Variants in PAPPA observed in about 807,000 individuals in gnomAD.
The protein encoded by PAPPA is pappalysin 1.
A neutral mutation model predicts 164.0 loss-of-function variants in PAPPA; 60 were observed. The ratio of observed to expected loss-of-function variants is 0.37; its 90% CI spans 0.30 to 0.45. PAPPA has a LOEUF of 0.45. Ranked by LOEUF, PAPPA falls within the 20% of genes least tolerant of loss-of-function variation. PAPPA has a pLI of 1.00. For missense variants in PAPPA, 1,782 were observed against 2,087.3 expected, an observed-to-expected ratio of 0.85 and a Z score of 2.85; for synonymous variants, 875 against 814.1, an observed-to-expected ratio of 1.07 and a Z score of -1.27.
chr9:116,389,244 T>C (rs1342309350), intron 21 of PAPPA, among the ~76,000 whole-genome samples: 1 of 151,194 alleles, frequency 6.6e-6, no homozygotes, highest in Non-Finnish European at 1.5e-5. Flanking sequence ...GCAATTCTCC[T>C]GCCTCAGCCT....
Position 116,377,570 on chromosome 9 carries a change from CCA to C in PAPPA, c.4606-3_4606-2del. 6.2e-7 allele frequency: 1 copy of C among 1,611,158 alleles called. No individual in the cohort carries two copies. The highest frequency in any genetic ancestry group is 1.1e-5 in the South Asian group (1 of 90,970). ...CCATCTGACCTTTCTCTCCCTCTTC[CCA>C]CAGAGAGTTGTCTGCACTGCTGGTC... On this transcript the variant is annotated splice_polypyrimidine_tract_variant and splice_region_variant and intron_variant, in intron 19 of 21. Transcript: ENST00000328252.
intron 9 of PAPPA, among the ~76,000 whole-genome samples, chr9:116,276,881 C>A (rs1042511494): frequency 6.6e-6 from 1 of 152,158 alleles, no homozygotes; most frequent in African/African-American, 2.4e-5. Context: ...GGAGAAGAAT[C>A]GGTCTGCCTC....
chr9:116,278,491 T>C (rs552505327), intron 9 of PAPPA, among the ~76,000 whole-genome samples: 11 of 152,336 alleles, frequency 7.2e-5, no homozygotes, highest in Admixed American at 6.5e-4. Context: ...AATGCACATG[T>C]CCTTGTGCCA....
intron 17 of PAPPA, 90 bp from the exon 18 acceptor site, chr9:116,362,501 AT>A: frequency 1.5e-6 from 2 of 1,376,154 alleles, no homozygotes; most frequent in Non-Finnish European, 2.0e-6. Flanking sequence ...CTCTGGAGAG[AT>A]GAAAAATTCT....
At chr9:116,395,712 C>A (rs1360482237) in intron 21 of PAPPA, among the ~76,000 whole-genome samples, 1 of 152,176 alleles carries the variant, frequency 6.6e-6, no homozygotes, top group African/African-American at 2.4e-5. Flanking sequence ...TCAGTTCTCT[C>A]ACTTGTTCGT....
intron 19 of PAPPA, among the ~76,000 whole-genome samples, chr9:116,371,254 T>A (rs374021130): frequency 2.3e-4 from 35 of 152,236 alleles, no homozygotes; most frequent in Admixed American, 9.8e-4. Flanking sequence ...CCGTCTCTAC[T>A]AAAAATACAA....
At chr9:116,219,526 T>C (rs1024323275) in intron 4 of PAPPA, among the ~76,000 whole-genome samples, 1 of 151,976 alleles carries the variant, frequency 6.6e-6, no homozygotes, top group Non-Finnish European at 1.5e-5. Context: ...AGTGAATGAA[T>C]GAATGAATGA....
At chr9:116,198,571 T>TA (rs1224667290) in intron 2 of PAPPA, among the ~76,000 whole-genome samples, 1 of 152,216 alleles carries the variant, frequency 6.6e-6, no homozygotes, top group Non-Finnish European at 1.5e-5. Context: ...TAATTGCTGT[T>TA]ACGGAGAAGT....
At chr9:116,241,934 C>A (rs540630446) in intron 7 of PAPPA, among the ~76,000 whole-genome samples, 5 of 151,958 alleles carry the variant, frequency 3.3e-5, no homozygotes, top group Non-Finnish European at 7.4e-5. Context: ...TGTCATCCAT[C>A]CTTTGTTCTT....
intron 9 of PAPPA, among the ~76,000 whole-genome samples, chr9:116,283,650 C>T (rs1361256416): frequency 6.6e-6 from 1 of 152,172 alleles, no homozygotes; most frequent in Non-Finnish European, 1.5e-5. Context: ...CTTTCAACAG[C>T]AGTCAGAAAC....
At chr9:116,199,202 C>A (rs1397393265) in intron 2 of PAPPA, among the ~76,000 whole-genome samples, 1 of 152,186 alleles carries the variant, frequency 6.6e-6, no homozygotes, top group East Asian at 1.9e-4. Context: ...CCATCACGAT[C>A]CAATCCACAA....
intron 19 of PAPPA, among the ~76,000 whole-genome samples, chr9:116,371,665 A>G (rs1846576531): frequency 6.6e-6 from 1 of 150,756 alleles, no homozygotes; most frequent in Non-Finnish European, 1.5e-5. Context: ...CTGGTTTTGA[A>G]CTCCTGTCCT....
intron 21 of PAPPA, among the ~76,000 whole-genome samples, chr9:116,386,031 CAG>C (rs1016057076): frequency 1.7e-4 from 26 of 152,274 alleles, no homozygotes; most frequent in African/African-American, 6.0e-4. Context: ...GAAGAGGGAA[CAG>C]AGTCTTCCTG....
intron 1 of PAPPA, among the ~76,000 whole-genome samples, chr9:116,180,871 CTTAGTGCTGTGGGACT>C (rs1017065654): frequency 5.3e-5 from 8 of 152,094 alleles, no homozygotes; most frequent in African/African-American, 1.9e-4. Context: ...TTTCCTACCC[CTTAGTGCTGTGGGACT>C]TTAGGCAGGG....
chr9:116,382,204 AAAGAT>A (rs759014356), intron 20 of PAPPA, among the ~76,000 whole-genome samples, 186 bp from the exon 21 acceptor site: 31 of 152,184 alleles, frequency 2.0e-4, no homozygotes, highest in Non-Finnish European at 3.7e-4. Context: ...TGGTAGAAAG[AAAGAT>A]AAGAGTCTTT....
Position 116,332,429 on chromosome 9 carries a change from G to A in PAPPA, c.3358G>A (p.Val1120Met), listed in dbSNP as rs1392197984. 12 of 1,613,926 alleles carry A rather than the reference G, an allele frequency of 7.4e-6. No individual in the cohort carries two copies. The highest frequency in any genetic ancestry group is 1.7e-5 in the Admixed American group (1 of 60,016). ...GGACCAAAAGCAGGAGACCATCAGCGTGCAGCTGCTTGATACCAAAGATCA... is the reference window on the plus strand; with the variant it reads ...GGACCAAAAGCAGGAGACCATCAGCATGCAGCTGCTTGATACCAAAGATCA... ...YGDQKQETIS[V>M]QLLDTKDQSH... Residue 1120 changes from valine (V) to methionine (M), a missense_variant, in exon 12 of 22, where the codon GTG becomes ATG. Physicochemically the swap from Val to Met is conservative, Grantham distance 21. Transcript: ENST00000328252.
At chr9:116,255,573 G>A (rs1844917771) in intron 7 of PAPPA, among the ~76,000 whole-genome samples, 1 of 151,978 alleles carries the variant, frequency 6.6e-6, no homozygotes, top group Non-Finnish European at 1.5e-5. Flanking sequence ...AACTAAACAG[G>A]TAAACCCTGG....
chr9:116,219,884 ATGCC>A, intron 4 of PAPPA, 49 bp from the exon 5 acceptor site: 7 of 1,477,950 alleles, frequency 4.7e-6, no homozygotes, highest in African/African-American at 1.4e-5. Flanking sequence ...ACTCTCTCAT[ATGCC>A]TGCCTGCCTT....
At chr9:116,313,646 C>A (rs1845750665) in intron 10 of PAPPA, among the ~76,000 whole-genome samples, 1 of 152,210 alleles carries the variant, frequency 6.6e-6, no homozygotes. Context: ...AGGCTCCAGA[C>A]TATCTGTCCA....
Sources: gnomAD v4.1 joint callset for allele counts (sites outside exome capture counted in the v4.1 genomes callset) on GRCh38, gnomAD v4.1.1 for gene constraint, MANE v1.5 for transcripts, NCBI Gene and HGNC (gene_info 2026-07-23, HGNC 2026-07-21) for gene names.